Variants in SAMD5 observed in about 807,000 individuals in gnomAD.
SAMD5 encodes sterile alpha motif domain containing 5, also known as sterile alpha motif domain-containing protein 5.
A neutral mutation model predicts 11.3 loss-of-function variants in SAMD5; 13 were observed. That is an observed-to-expected ratio of 1.15 (90% CI 0.75 to 1.83). SAMD5 has a LOEUF of 1.83. SAMD5 is among the 40% of genes most tolerant of loss of function. The pLI is 0.00. For missense variants in SAMD5, 255 were observed against 239.1 expected (o/e 1.07, Z -0.44); for synonymous variants, 129 against 111.3 (o/e 1.16, Z -1.00).
At chr6:147,728,684 G>C (rs1046494699) in intron 1 of SAMD5, among the ~76,000 whole-genome samples, 2 of 152,114 alleles carry the variant, frequency 1.3e-5, no homozygotes, top group African/African-American at 4.8e-5. Flanking sequence ...GTAGATAAAA[G>C]GAGACTTAAC....
At chr6:147,897,179 T>C in the SAMD5 span, among the ~76,000 whole-genome samples, 1 of 152,204 alleles carries the variant, frequency 6.6e-6, no homozygotes, top group Non-Finnish European at 1.5e-5. Context: ...TATGGCACAA[T>C]AAAGCTGTTT....
intron 1 of SAMD5, among the ~76,000 whole-genome samples, chr6:147,687,241 T>C (rs1475153221): frequency 1.4e-5 from 2 of 146,542 alleles, no homozygotes; most frequent in Non-Finnish European, 3.0e-5. Context: ...CCTCCCTCCC[T>C]CTCTCCCTCC....
At chr6:147,884,940 A>C in the SAMD5 span, among the ~76,000 whole-genome samples, 1 of 152,238 alleles carries the variant, frequency 6.6e-6, no homozygotes, top group Non-Finnish European at 1.5e-5. Flanking sequence ...TAATAATAGA[A>C]GATATTGCTA....
In SAMD5 at chr6:147,533,422, A is replaced by G. The variant is rs112096768; in HGVS notation, c.459+24035A>G. Among the ~76,000 whole-genome samples the G allele has an allele frequency of 3.8e-3, 546 of 145,420 alleles. 3 individuals carry two copies. The highest frequency in any genetic ancestry group is 0.011 in the African/African-American group (436 of 39,432). ...GGTTGCTGTAAGCCGAGATCGCGCCATTGCACTCCAGCCTGGGCAACAAGA... is the reference window on the plus strand; with the variant it reads ...GGTTGCTGTAAGCCGAGATCGCGCCGTTGCACTCCAGCCTGGGCAACAAGA... On this transcript the variant is annotated intron_variant, in intron 1 of 1. Coordinates refer to ENST00000367474, the MANE Select transcript of SAMD5 (RefSeq NM_001030060.3).
At chr6:147,790,346 A>C in the SAMD5 span, among the ~76,000 whole-genome samples, 2 of 152,232 alleles carry the variant, frequency 1.3e-5, no homozygotes, top group Non-Finnish European at 2.9e-5. Context: ...TTGAAATCCC[A>C]AAAGATCAAA....
At chr6:147,900,198 C>T in the SAMD5 span, among the ~76,000 whole-genome samples, 1 of 152,170 alleles carries the variant, frequency 6.6e-6, no homozygotes, top group Non-Finnish European at 1.5e-5. Context: ...TTGTTCCCAA[C>T]TTGTCAGGAC....
rs551765505 is a variant in SAMD5 at position 147,525,183 on chromosome 6, C to T, written c.459+15796C>T. Among the ~76,000 whole-genome samples, 416 of 150,686 alleles carry T rather than the reference C, an allele frequency of 2.8e-3. 1 individual carries two copies. Among genetic ancestry groups the T allele is most frequent in the African/African-American group, 9.6e-3 (394 of 40,862 alleles). ...AAAGAGGAAGACTTAGCCGCCTGTG[C>T]CCTCAAGAACTTATTGTGGCAATAA... On this transcript the variant is annotated intron_variant, in intron 1 of 1. Coordinates refer to ENST00000367474, the MANE Select transcript of SAMD5 (RefSeq NM_001030060.3).
the SAMD5 span, among the ~76,000 whole-genome samples, chr6:147,936,649 A>G: frequency 3.3e-5 from 5 of 152,168 alleles, no homozygotes; most frequent in Non-Finnish European, 7.3e-5. Flanking sequence ...AAATATCCAA[A>G]CTACGTCAAC....
chr6:147,579,077 T>C (rs1263537892), intron 1 of SAMD5, among the ~76,000 whole-genome samples: 1 of 152,276 alleles, frequency 6.6e-6, no homozygotes, highest in Non-Finnish European at 1.5e-5. Flanking sequence ...ACAATCCAGT[T>C]TGAGAACAAC....
the SAMD5 span, among the ~76,000 whole-genome samples, chr6:147,890,935 T>A: frequency 6.6e-6 from 1 of 152,162 alleles, no homozygotes; most frequent in African/African-American, 2.4e-5. Flanking sequence ...AATGGCACAA[T>A]GCACTATGTT....
At chr6:147,713,892 TG>T (rs1791431938) in intron 1 of SAMD5, among the ~76,000 whole-genome samples, 2 of 152,124 alleles carry the variant, frequency 1.3e-5, no homozygotes, top group Non-Finnish European at 2.9e-5. Flanking sequence ...CCTCTCCTCT[TG>T]TCCCTTCCTC....
intron 1 of SAMD5, among the ~76,000 whole-genome samples, chr6:147,528,705 T>G (rs1160239615): frequency 2.6e-5 from 4 of 152,182 alleles, no homozygotes; most frequent in African/African-American, 9.7e-5. Flanking sequence ...GAATTGGAGC[T>G]TGAATCTAAC....
chr6:147,565,149 A>C lies in SAMD5; in HGVS notation c.*693A>C. On this transcript the variant is annotated 3_prime_UTR_variant, in exon 2 of 2. Coordinates refer to ENST00000367474, the MANE Select transcript of SAMD5 (RefSeq NM_001030060.3). ...GAGGTTTAGTATTAGGACTAATACA[A>C]GTGTCTTGCTCTGACATGCATCAAG... 1 of 985,580 alleles carries C rather than the reference A, an allele frequency of 1.0e-6. No homozygotes were observed. The highest frequency in any genetic ancestry group is 1.2e-6 in the Non-Finnish European group (1 of 829,756). 61.1% of individuals were successfully genotyped at this position (985,580 alleles called of 1,614,324 possible).
chr6:147,514,900 G>A (rs1446651855), intron 1 of SAMD5, among the ~76,000 whole-genome samples: 1 of 152,128 alleles, frequency 6.6e-6, no homozygotes, highest in Non-Finnish European at 1.5e-5. Flanking sequence ...CTATAATGAA[G>A]GAATTTGAAG....
chr6:147,677,209 A>G (rs1343212645), intron 1 of SAMD5, among the ~76,000 whole-genome samples: 1 of 152,260 alleles, frequency 6.6e-6, no homozygotes, highest in Middle Eastern at 3.4e-3. Flanking sequence ...TCTGTATTGG[A>G]CAAGGCTAGG....
At chr6:147,938,477 G>A in the SAMD5 span, among the ~76,000 whole-genome samples, 1 of 152,144 alleles carries the variant, frequency 6.6e-6, no homozygotes, top group African/African-American at 2.4e-5. Context: ...AGGAGAGATG[G>A]ACCAATAAGC....
intron 1 of SAMD5, among the ~76,000 whole-genome samples, chr6:147,693,884 G>A (rs369163889): frequency 1.3e-5 from 2 of 152,050 alleles, no homozygotes; most frequent in Non-Finnish European, 2.9e-5. Context: ...CAGGAGAATC[G>A]CTTGAACCTA....
At chr6:147,707,120 C>T (rs1791335357) in intron 1 of SAMD5, among the ~76,000 whole-genome samples, 1 of 152,186 alleles carries the variant, frequency 6.6e-6, no homozygotes, top group Non-Finnish European at 1.5e-5. Context: ...CTGTTGTTCA[C>T]ATCCTTATCA....
rs374496437 is a variant in SAMD5 at position 147,656,066 on chromosome 6, T to C, written c.163-81251T>C. 8.5e-5 allele frequency among the ~76,000 whole-genome samples: 13 copies of C among 152,286 alleles called. No homozygotes were observed. In the East Asian group the frequency reaches 2.3e-3, roughly 27 times the overall value. On this transcript the variant is annotated intron_variant, in intron 1 of 1. Coordinates refer to the SAMD5 transcript ENST00000566741. ...AAAATCCAGTATAAAATAAAGGTAG[T>C]ATTTAAGACCATGAGATAGAGATGG...
Sources: gnomAD v4.1 joint callset for allele counts (sites outside exome capture counted in the v4.1 genomes callset) on GRCh38, gnomAD v4.1.1 for gene constraint, MANE v1.5 for transcripts, NCBI Gene and HGNC (gene_info 2026-07-23, HGNC 2026-07-21) for gene names.